EML5: variants seen among roughly 807,000 people sequenced by gnomAD.
EML5 encodes the protein echinoderm microtubule-associated protein-like 5.
A neutral mutation model predicts 250.0 loss-of-function variants in EML5; 120 were observed. That is an observed-to-expected ratio of 0.48 (90% CI 0.41 to 0.56). The LOEUF is 0.56. EML5 is among the 20% of genes least tolerant of loss of function. The pLI is 0.00. For missense variants in EML5, 2,006 were observed against 2,437.6 expected, an observed-to-expected ratio of 0.82 and a Z score of 3.73; for synonymous variants, 771 against 806.5, an observed-to-expected ratio of 0.96 and a Z score of 0.75.
chr14:88,775,846 C>A lies in EML5; in HGVS notation c.197+16461G>T, dbSNP rs141686401. ...GTCTTCAGGTCTGACCCAGCACCAT[C>A]ATAGTGGTGGTGGCCACAGGGTGAT... On this transcript the variant is annotated intron_variant, in intron 1 of 43. Transcript: ENST00000554922. Among the ~76,000 whole-genome samples the A allele has an allele frequency of 1.3e-3, 198 of 152,290 alleles. 1 individual carries two copies. The highest frequency in any genetic ancestry group is 4.6e-3 in the African/African-American group (192 of 41,566).
In EML5 at chr14:88,649,913, T is replaced by TTAC. The variant is rs757392366; in HGVS notation, c.4015_4017dup (p.Val1339dup). The TTAC allele has an allele frequency of 6.0e-6, 9 of 1,491,786 alleles. No individual in the cohort carries two copies. In the Admixed American group the frequency reaches 9.9e-5, roughly 16 times the overall value. The allele number at this position is 1,491,786 out of a possible 1,614,324, so 92.4% of individuals were successfully genotyped here. ...TATTTTCTTTTATAAAACACTTACC[T>TTAC]TACTACTCCCTGCCTTCAAAAGGAG... On this transcript the variant is annotated inframe_insertion and splice_region_variant, in exon 28 of 44. Coordinates refer to ENST00000554922, the MANE Select transcript of EML5 (RefSeq NM_183387.3).
At chr14:88,686,428 A>ATAC (rs1283301664) in intron 19 of EML5, among the ~76,000 whole-genome samples, 3 of 151,944 alleles carry the variant, frequency 2.0e-5, no homozygotes, top group Non-Finnish European at 4.4e-5. Flanking sequence ...AATAATAATA[A>ATAC]TAAAGAAAAT....
intron 2 of EML5, among the ~76,000 whole-genome samples, chr14:88,747,569 A>C (rs1468983268): frequency 6.6e-6 from 1 of 152,186 alleles, no homozygotes; most frequent in Non-Finnish European, 1.5e-5. Flanking sequence ...TTAGTTAAAT[A>C]ACATAAGCTT....
chr14:88,735,630 A>G (rs933030041), intron 7 of EML5, among the ~76,000 whole-genome samples: 5 of 152,182 alleles, frequency 3.3e-5, no homozygotes, highest in Non-Finnish European at 7.4e-5. Context: ...CTTATCTATC[A>G]AAATTTAAAA....
intron 24 of EML5, among the ~76,000 whole-genome samples, chr14:88,662,341 T>TG (rs1443479933): frequency 9.4e-5 from 12 of 127,370 alleles, no homozygotes; most frequent in African/African-American, 6.8e-5. Flanking sequence ...TTTTTCTTGT[T>TG]TTTTTTTTTT....
At chr14:88,689,516 T>A (rs563291398) in intron 17 of EML5, among the ~76,000 whole-genome samples, 1 of 152,360 alleles carries the variant, frequency 6.6e-6, no homozygotes, top group South Asian at 2.1e-4. Flanking sequence ...TATTGATATC[T>A]CTTGCCCATT....
chr14:88,651,628 C>A (rs1457746569), intron 27 of EML5, among the ~76,000 whole-genome samples: 2 of 152,014 alleles, frequency 1.3e-5, no homozygotes, highest in African/African-American at 2.4e-5. Context: ...GAACACTTTT[C>A]ACTTTTCATT....
intron 7 of EML5, among the ~76,000 whole-genome samples, chr14:88,733,769 A>C (rs1334601244): frequency 6.6e-6 from 1 of 152,202 alleles, no homozygotes; most frequent in Non-Finnish European, 1.5e-5. Flanking sequence ...AATTAGGTTG[A>C]GTCCCCATCT....
intron 1 of EML5, among the ~76,000 whole-genome samples, chr14:88,764,448 T>C (rs1187975496): frequency 1.3e-5 from 2 of 152,216 alleles, no homozygotes; most frequent in Non-Finnish European, 1.5e-5. Flanking sequence ...TTTAGGTCAA[T>C]AGTGATATCC....
intron 2 of EML5, among the ~76,000 whole-genome samples, chr14:88,748,970 C>T (rs1052727838): frequency 1.3e-5 from 2 of 151,284 alleles, no homozygotes; most frequent in African/African-American, 2.4e-5. Flanking sequence ...GTAATCATGG[C>T]TCTAGAAGGA....
intron 21 of EML5, among the ~76,000 whole-genome samples, chr14:88,675,626 T>C (rs1386790210): frequency 6.6e-6 from 1 of 152,194 alleles, no homozygotes; most frequent in East Asian, 1.9e-4. Flanking sequence ...CCCCATTGTT[T>C]TGGGAATTAA....
Position 88,714,849 on chromosome 14 carries a change from A to G in EML5, c.1444+90T>C, listed in dbSNP as rs192665425. On this transcript the variant is annotated intron_variant, in intron 9 of 43. Transcript: ENST00000554922. ...TAGCTCAGATCTTCTTTGATTTCCT[A>G]TGATCAAATGTAACTTACACTCTGC... 94 of 1,260,464 alleles carry G rather than the reference A, an allele frequency of 7.5e-5. 1 individual carries two copies. The highest frequency in any genetic ancestry group is 4.3e-4 in the African/African-American group (29 of 67,026). The allele number at this position is 1,260,464 out of a possible 1,614,324, so 78.1% of individuals were successfully genotyped here. A position where few individuals can be genotyped will look rare whatever the true frequency, so the allele number is the denominator to read the frequency against.
intron 1 of EML5, among the ~76,000 whole-genome samples, chr14:88,777,554 C>G (rs1566791470): frequency 6.6e-6 from 1 of 152,180 alleles, no homozygotes; most frequent in Non-Finnish European, 1.5e-5. Flanking sequence ...TATTATAACA[C>G]TGCAACTGTG....
rs1414126354 is a variant in EML5, at chr14:88,613,625, T to C, written c.*2193A>G. 3 of 152,074 alleles carry C rather than the reference T, an allele frequency of 2.0e-5. No individual in the cohort carries two copies. Among genetic ancestry groups the C allele is most frequent in the Non-Finnish European group, 4.4e-5 (3 of 68,020 alleles). 9.4% of individuals were successfully genotyped at this position (152,074 alleles called of 1,614,324 possible). On this transcript the variant is annotated 3_prime_UTR_variant, in exon 44 of 44. Coordinates refer to ENST00000554922, the MANE Select transcript of EML5 (RefSeq NM_183387.3). ...ACCATAAAACATTTGTTGGATGACGTGGTTTAAAATGATCACCACAAAAAG... is the reference window on the plus strand; with the variant it reads ...ACCATAAAACATTTGTTGGATGACGCGGTTTAAAATGATCACCACAAAAAG...
chr14:88,780,238 T>C (rs1254410949), intron 1 of EML5, among the ~76,000 whole-genome samples: 2 of 152,098 alleles, frequency 1.3e-5, no homozygotes, highest in African/African-American at 4.8e-5. Context: ...TAGGCATAAG[T>C]CACCACACCC....
chr14:88,726,350 C>CTATTTTTAAAATA (rs1566706710), intron 8 of EML5, among the ~76,000 whole-genome samples, 191 bp downstream of exon 8: 1 of 151,968 alleles, frequency 6.6e-6, no homozygotes, highest in Non-Finnish European at 1.5e-5. Context: ...TCGGACAAAG[C>CTATTTTTAAAATA]TATTTTTATA....
chr14:88,616,064 A>G, intron 43 of EML5, 78 bp downstream of exon 43: 1 of 1,495,536 alleles, frequency 6.7e-7, no homozygotes, highest in South Asian at 1.1e-5. Context: ...TTCATAAACC[A>G]AAGCTGTAGG....
chr14:88,631,588 G>C lies in EML5; in HGVS notation c.4357+2881C>G, dbSNP rs539965172. ...GTTCGAGACCAGCCTAGCCAACATG[G>C]TGAAACCCCATCTCTACTAAAAATA... On this transcript the variant is annotated intron_variant, in intron 33 of 43. Coordinates refer to ENST00000554922, the MANE Select transcript of EML5 (RefSeq NM_183387.3). Among the ~76,000 whole-genome samples, 8 of 152,296 alleles carry C rather than the reference G, an allele frequency of 5.3e-5. No homozygotes were observed. In the East Asian group the frequency reaches 1.5e-3, roughly 29 times the overall value.
At chr14:88,662,087 T>C (rs974113164) in intron 24 of EML5, among the ~76,000 whole-genome samples, 1 of 152,138 alleles carries the variant, frequency 6.6e-6, no homozygotes, top group African/African-American at 2.4e-5. Flanking sequence ...AAGCATACAG[T>C]GTTAATAATA....
Sources: gnomAD v4.1 joint callset for allele counts (sites outside exome capture counted in the v4.1 genomes callset) on GRCh38, gnomAD v4.1.1 for gene constraint, MANE v1.5 for transcripts, NCBI Gene and HGNC (gene_info 2026-07-23, HGNC 2026-07-21) for gene names.